LRRTM4: variants seen among roughly 807,000 people sequenced by gnomAD.
The protein encoded by LRRTM4 is leucine rich repeat transmembrane neuronal 4.
In LRRTM4, 25 loss-of-function variants were observed where a neutral mutation model predicts 47.6. The observed-to-expected ratio is 0.53, with a 90% confidence interval of 0.38 to 0.73. The LOEUF is 0.73. LRRTM4 is among the 30% of genes least tolerant of loss of function. LRRTM4 has a pLI of 0.00. For missense variants in LRRTM4, 638 were observed against 713.4 expected, an observed-to-expected ratio of 0.89 and a Z score of 1.20; for synonymous variants, 311 against 269.5, an observed-to-expected ratio of 1.15 and a Z score of -1.51.
At chr2:77,521,469 T>C (rs7571330) in intron 2 of LRRTM4, among the ~76,000 whole-genome samples, 199 bp downstream of exon 2, 16,021 of 141,746 alleles carry the variant, frequency 0.11, 973 homozygotes, top group Non-Finnish European at 0.14. Context: ...GTGTTGTGCA[T>C]TTATAGATTA....
chr2:76,922,455 C>A (rs961098522), intron 3 of LRRTM4, among the ~76,000 whole-genome samples: 3 of 152,020 alleles, frequency 2.0e-5, no homozygotes, highest in African/African-American at 7.2e-5. Context: ...GAATAGCAAG[C>A]CTCCATGATT....
chr2:76,832,246 T>C (rs1482556241), intron 3 of LRRTM4, among the ~76,000 whole-genome samples: 1 of 152,242 alleles, frequency 6.6e-6, no homozygotes, highest in South Asian at 2.1e-4. Context: ...AAGTTTGTCG[T>C]AGGCTTCTTT....
chr2:77,263,561 C>T (rs150097913), intron 3 of LRRTM4, among the ~76,000 whole-genome samples: 5 of 152,108 alleles, frequency 3.3e-5, no homozygotes, highest in African/African-American at 9.6e-5. Context: ...GACACCCAGC[C>T]GGTGTCAGAA....
At chr2:76,859,982 A>C (rs1672263825) in intron 3 of LRRTM4, among the ~76,000 whole-genome samples, 1 of 152,166 alleles carries the variant, frequency 6.6e-6, no homozygotes, top group African/African-American at 2.4e-5. Flanking sequence ...TTGCATCAAA[A>C]GTACCATTTC....
intron 3 of LRRTM4, among the ~76,000 whole-genome samples, chr2:76,959,484 T>C (rs1391355646): frequency 2.0e-5 from 2 of 102,020 alleles, no homozygotes; most frequent in Admixed American, 1.0e-4. Context: ...AAGGAGAAAT[T>C]ATCCACCTTT....
At chr2:77,272,792 C>CTCTCTTGCCATGTGA (rs1676240703) in intron 3 of LRRTM4, among the ~76,000 whole-genome samples, 1 of 152,032 alleles carries the variant, frequency 6.6e-6, no homozygotes, top group Non-Finnish European at 1.5e-5. Flanking sequence ...TTTTTTCTTC[C>CTCTCTTGCCATGTGA]TCTCTTGCCA....
At chr2:77,109,999 A>C (rs1671206439) in intron 3 of LRRTM4, among the ~76,000 whole-genome samples, 1 of 152,228 alleles carries the variant, frequency 6.6e-6, no homozygotes, top group East Asian at 1.9e-4. Context: ...GAAAATACAA[A>C]TCTTATTACA....
chr2:76,774,142 G>A (rs1406864684), intron 3 of LRRTM4, among the ~76,000 whole-genome samples: 2 of 151,500 alleles, frequency 1.3e-5, no homozygotes, highest in East Asian at 1.9e-4. Flanking sequence ...ATTATATGCT[G>A]TATTCTTACA....
In LRRTM4 at chr2:76,864,721, T is replaced by A. The variant is rs889265467; in HGVS notation, c.1552-115805A>T. Among the ~76,000 whole-genome samples the A allele has an allele frequency of 2.6e-5, 4 of 151,828 alleles. No homozygotes were observed. The East Asian group carries it at 7.8e-4, about 29-fold the overall frequency. On this transcript the variant is annotated intron_variant, in intron 3 of 3. Coordinates refer to ENST00000409884, the MANE Select transcript of LRRTM4 (RefSeq NM_001134745.3). ...GATGGTTCTTAGAATCCCATTCAAT[T>A]TTTTCCCTTTCTTTTTTAAGACAAG...
At chr2:76,785,799 G>C (rs1299013216) in intron 3 of LRRTM4, among the ~76,000 whole-genome samples, 1 of 152,062 alleles carries the variant, frequency 6.6e-6, no homozygotes, top group Non-Finnish European at 1.5e-5. Context: ...ATGGCTTTAA[G>C]CCATCATGTT....
intron 3 of LRRTM4, among the ~76,000 whole-genome samples, chr2:76,824,455 T>C (rs1671137360): frequency 6.6e-6 from 1 of 151,700 alleles, no homozygotes; most frequent in East Asian, 1.9e-4. Flanking sequence ...AATAAATTCT[T>C]ATTTTGAGTA....
At chr2:77,083,926 T>A (rs1252703524) in intron 3 of LRRTM4, among the ~76,000 whole-genome samples, 12 of 149,320 alleles carry the variant, frequency 8.0e-5, no homozygotes, top group African/African-American at 3.0e-4. Context: ...TGCCTCAGCC[T>A]CCCGAGTAGC....
chr2:76,796,629 G>A (rs1412760103), intron 3 of LRRTM4, among the ~76,000 whole-genome samples: 1 of 107,656 alleles, frequency 9.3e-6, no homozygotes, highest in Non-Finnish European at 1.7e-5. Flanking sequence ...CTAACAAACA[G>A]AAAGGACATC....
At chr2:77,260,471 C>CTGT (rs1675890797) in intron 3 of LRRTM4, among the ~76,000 whole-genome samples, 1 of 150,442 alleles carries the variant, frequency 6.6e-6, no homozygotes, top group African/African-American at 2.4e-5. Context: ...CAGTACTATA[C>CTGT]AAGTGGATAA....
chr2:76,767,220 C>T (rs1370854108), intron 3 of LRRTM4, among the ~76,000 whole-genome samples: 1 of 152,164 alleles, frequency 6.6e-6, no homozygotes, highest in Admixed American at 6.5e-5. Context: ...TTTAGGTGCA[C>T]ATGCAGCAAT....
At chr2:77,139,324 G>A (rs1239004670) in intron 3 of LRRTM4, among the ~76,000 whole-genome samples, 5 of 152,016 alleles carry the variant, frequency 3.3e-5, no homozygotes, top group African/African-American at 9.7e-5. Context: ...TTCAACATAC[G>A]AAAATCAATA....
chr2:76,869,709 T>A (rs1237219031), intron 3 of LRRTM4, among the ~76,000 whole-genome samples: 1 of 152,120 alleles, frequency 6.6e-6, no homozygotes, highest in Non-Finnish European at 1.5e-5. Flanking sequence ...CAAAATACAT[T>A]TACTTAACCT....
chr2:77,084,040 C>A (rs1469500301), intron 3 of LRRTM4, among the ~76,000 whole-genome samples: 1 of 151,790 alleles, frequency 6.6e-6, no homozygotes, highest in Non-Finnish European at 1.5e-5. Context: ...CTCCTGACCT[C>A]GTGATCCACC....
chr2:77,430,459 T>C (rs2103903693), intron 3 of LRRTM4, among the ~76,000 whole-genome samples: 1 of 152,248 alleles, frequency 6.6e-6, no homozygotes, highest in Non-Finnish European at 1.5e-5. Flanking sequence ...CAGCGGCTCA[T>C]GGCTGTAATC....
Sources: gnomAD v4.1 joint callset for allele counts (sites outside exome capture counted in the v4.1 genomes callset) on GRCh38, gnomAD v4.1.1 for gene constraint, MANE v1.5 for transcripts, NCBI Gene and HGNC (gene_info 2026-07-23, HGNC 2026-07-21) for gene names.